TYW1: variants seen among roughly 807,000 people sequenced by gnomAD.
TYW1 encodes the protein tRNA-yW synthesizing protein 1 homolog.
TYW1 carries 46 observed loss-of-function variants against 96.2 expected under a neutral mutation model. The observed-to-expected ratio is 0.48, with a 90% CI of 0.38 to 0.61. The LOEUF is 0.61. TYW1 is among the 20% of genes least tolerant of loss of function. The probability of loss-of-function intolerance (pLI) is 0.00; values close to 1 mark genes in which losing one functional copy is unlikely to be tolerated. For synonymous variants in TYW1, 274 were observed against 323.0 expected (o/e 0.85, Z 1.63); for missense variants, 684 against 909.6 (o/e 0.75, Z 3.19).
chr7:67,057,375 T>G (rs1795554008), intron 9 of TYW1, among the ~76,000 whole-genome samples: 1 of 144,140 alleles, frequency 6.9e-6, no homozygotes, highest in Non-Finnish European at 1.5e-5. Context: ...ATTTTTTTTG[T>G]TTTTTTTTTT....
intron 13 of TYW1, among the ~76,000 whole-genome samples, chr7:67,122,276 A>G (rs543624631): frequency 2.6e-5 from 4 of 152,178 alleles, no homozygotes; most frequent in Non-Finnish European, 5.9e-5. Context: ...ATGTTAGGAT[A>G]CTCTGACCTG....
chr7:67,157,005 C>T (rs1025464416), intron 13 of TYW1, among the ~76,000 whole-genome samples: 3 of 152,038 alleles, frequency 2.0e-5, no homozygotes, highest in Non-Finnish European at 4.4e-5. Context: ...CATTCTCAGT[C>T]ACTTCCCTGC....
At chr7:67,208,197 T>C (rs1023955014) in intron 15 of TYW1, among the ~76,000 whole-genome samples, 1 of 151,742 alleles carries the variant, frequency 6.6e-6, no homozygotes, top group Non-Finnish European at 1.5e-5. Flanking sequence ...CGTGTGCCCA[T>C]GTAGTCCCAA....
Position 67,235,859 on chromosome 7 carries a change from A to G in TYW1, c.1978-2449A>G, listed in dbSNP as rs866523248. Among the ~76,000 whole-genome samples the G allele has an allele frequency of 1.5e-4, 22 of 145,592 alleles. No homozygotes were observed. The Middle Eastern group carries it at 0.011, about 74-fold the overall frequency. ...CAGTGAGCCGAGATAGCACCACTGC[A>G]CTCCAGCCTGGGAGACAGAGCGAGA... On this transcript the variant is annotated intron_variant, in intron 15 of 15. Coordinates refer to ENST00000359626, the MANE Select transcript of TYW1 (RefSeq NM_018264.4).
intron 13 of TYW1, among the ~76,000 whole-genome samples, chr7:67,166,144 G>C (rs969282430): frequency 1.6e-4 from 24 of 150,968 alleles, no homozygotes; most frequent in African/African-American, 5.1e-4. Flanking sequence ...CTACTCAGGA[G>C]GCTGAGGTAG....
At chr7:67,102,674 T>G (rs1453477823) in intron 12 of TYW1, among the ~76,000 whole-genome samples, 1 of 151,886 alleles carries the variant, frequency 6.6e-6, no homozygotes, top group Non-Finnish European at 1.5e-5. Context: ...TTTTTTGAGA[T>G]GGAGTCTCGC....
chr7:67,032,076 C>T (rs1054997614), intron 7 of TYW1, among the ~76,000 whole-genome samples: 8 of 151,416 alleles, frequency 5.3e-5, no homozygotes, highest in Non-Finnish European at 1.0e-4. Flanking sequence ...CATGGTGAGG[C>T]GATAACCATT....
At chr7:67,048,031 A>G in intron 7 of TYW1, among the ~76,000 whole-genome samples, 1 of 148,934 alleles carries the variant, frequency 6.7e-6, no homozygotes. Context: ...CAGGTGATCC[A>G]CCTGCCTCGG....
At chr7:67,154,482 G>GAT (rs1798903490) in intron 13 of TYW1, among the ~76,000 whole-genome samples, 2 of 147,576 alleles carry the variant, frequency 1.4e-5, no homozygotes, top group Non-Finnish European at 3.0e-5. Context: ...TTGATAAGCA[G>GAT]TTTTTTTCTT....
chr7:67,153,077 A>T lies in TYW1; in HGVS notation c.1699-30049A>T, dbSNP rs570775413. Among the ~76,000 whole-genome samples the T allele has an allele frequency of 1.4e-3, 211 of 152,300 alleles. 2 individuals are homozygous for T. Among genetic ancestry groups the T allele is most frequent in the African/African-American group, 4.8e-3 (201 of 41,570 alleles). ...TGTAACATTTAGCCCCAGCCTTCACAGTTGCTAGATGATGTTTATATTAGG... is the reference window on the plus strand; with the variant it reads ...TGTAACATTTAGCCCCAGCCTTCACTGTTGCTAGATGATGTTTATATTAGG... On this transcript the variant is annotated intron_variant, in intron 13 of 15. Coordinates refer to ENST00000359626, the MANE Select transcript of TYW1 (RefSeq NM_018264.4).
rs1796172400 is a variant in TYW1, at chr7:67,075,452, T to C, written c.1275-7978T>C. On this transcript the variant is annotated intron_variant, in intron 10 of 15. Transcript: ENST00000359626. ...TGACCAGTAAGCACATGAAAAGATA[T>C]TCATAATATCCAAAAAGTAGATATA... Among the ~76,000 whole-genome samples the C allele has an allele frequency of 1.3e-5, 2 of 152,180 alleles. 1 individual carries two copies. The highest frequency in any genetic ancestry group is 4.1e-4 in the South Asian group (2 of 4,820).
At chr7:67,194,746 A>G (rs1303546070) in intron 14 of TYW1, among the ~76,000 whole-genome samples, 2 of 150,102 alleles carry the variant, frequency 1.3e-5, no homozygotes, top group Middle Eastern at 3.2e-3. Context: ...CAGTGAATCA[A>G]TTACTTGGTC....
At chr7:67,233,063 G>A (rs1216231692) in intron 15 of TYW1, among the ~76,000 whole-genome samples, 1 of 78,222 alleles carries the variant, frequency 1.3e-5, no homozygotes, top group Non-Finnish European at 2.5e-5. Flanking sequence ...AATTTGGGCT[G>A]AATCTTGGAT....
chr7:67,101,778 G>A (rs1322240246), intron 12 of TYW1, among the ~76,000 whole-genome samples: 4 of 152,166 alleles, frequency 2.6e-5, no homozygotes, highest in South Asian at 2.1e-4. Context: ...GATTACAGGC[G>A]TGAACCACCG....
intron 7 of TYW1, among the ~76,000 whole-genome samples, chr7:67,042,418 T>A (rs899803780): frequency 8.5e-5 from 13 of 152,094 alleles, no homozygotes; most frequent in African/African-American, 1.4e-4. Flanking sequence ...TTTGAAACAC[T>A]GGAATGTTAG....
intron 3 of TYW1, among the ~76,000 whole-genome samples, chr7:67,006,740 A>G (rs943608443): frequency 2.0e-5 from 3 of 152,016 alleles, no homozygotes; most frequent in African/African-American, 4.8e-5. Context: ...ATGCCCGGCC[A>G]GGTATTTTTT....
intron 13 of TYW1, among the ~76,000 whole-genome samples, chr7:67,128,049 TTC>T (rs1408532196): frequency 6.6e-6 from 1 of 152,184 alleles, no homozygotes; most frequent in Non-Finnish European, 1.5e-5. Flanking sequence ...CTACTTGGTG[TTC>T]TGGGAGCCTC....
Position 67,138,198 on chromosome 7 carries a change from C to G in TYW1, c.1698+20580C>G, listed in dbSNP as rs34126698. Among the ~76,000 whole-genome samples the G allele has an allele frequency of 7.1e-3, 1,079 of 152,172 alleles. 15 individuals carry two copies. Among genetic ancestry groups the G allele is most frequent in the East Asian group, 0.057 (294 of 5,170 alleles). On this transcript the variant is annotated intron_variant, in intron 13 of 15. Transcript: ENST00000359626. ...TGTATGATGCCCACAGGGAATAGTG[C>G]GTATTGAACTGGTAGTCCTCCTGGT... is the stretch of plus-strand genomic sequence containing the variant.
intron 10 of TYW1, among the ~76,000 whole-genome samples, chr7:67,082,233 A>G (rs1032902340): frequency 5.3e-5 from 8 of 152,148 alleles, no homozygotes; most frequent in African/African-American, 1.7e-4. Flanking sequence ...CACATCTGGT[A>G]TAACAGTCAC....
Sources: gnomAD v4.1 joint callset for allele counts (sites outside exome capture counted in the v4.1 genomes callset) on GRCh38, gnomAD v4.1.1 for gene constraint, MANE v1.5 for transcripts, NCBI Gene and HGNC (gene_info 2026-07-23, HGNC 2026-07-21) for gene names.